The following MGAT4C variants were observed in gnomAD, a reference collection of about 807,000 sequenced individuals.
The protein encoded by MGAT4C is MGAT4 family member C, also known as alpha-1,3-mannosyl-glycoprotein 4-beta-N-acetylglucosaminyltransferase C.
Under a neutral mutation model 40.1 loss-of-function variants are expected in MGAT4C, and 19 were observed. The observed-to-expected ratio is 0.47, with a 90% CI of 0.33 to 0.70. The LOEUF (loss-of-function observed/expected upper bound fraction) is 0.70, where lower values mean the gene tolerates loss of function less well. Among genes scored for constraint, MGAT4C ranks in the 30% least tolerant of loss-of-function variants. MGAT4C has a pLI of 0.02. For missense variants in MGAT4C, 491 were observed against 563.2 expected (o/e 0.87, Z 1.30); for synonymous variants, 181 against 187.1 (o/e 0.97, Z 0.27).
intron 3 of MGAT4C, among the ~76,000 whole-genome samples, chr12:86,415,871 A>C (rs1181587949): frequency 1.3e-5 from 2 of 152,066 alleles, no homozygotes; most frequent in African/African-American, 4.8e-5. Context: ...ATCATTAGCA[A>C]TCTTTGACAT....
intron 1 of MGAT4C, among the ~76,000 whole-genome samples, chr12:86,247,297 G>A (rs546770219): frequency 6.6e-6 from 1 of 152,308 alleles, no homozygotes; most frequent in South Asian, 2.1e-4. Context: ...TAGCATCTCA[G>A]TACTTTGTTG....
intron 3 of MGAT4C, among the ~76,000 whole-genome samples, chr12:86,411,731 T>C (rs1956608656): frequency 6.6e-6 from 1 of 152,094 alleles, no homozygotes; most frequent in African/African-American, 2.4e-5. Context: ...CAGAAATCTA[T>C]ATAAGTAAAG....
At chr12:86,081,661 C>T (rs527561684) in intron 1 of MGAT4C, among the ~76,000 whole-genome samples, 6 of 152,046 alleles carry the variant, frequency 3.9e-5, no homozygotes, top group African/African-American at 1.4e-4. Flanking sequence ...GACAATTTTC[C>T]CTGTTGCTGT....
intron 1 of MGAT4C, among the ~76,000 whole-genome samples, chr12:86,767,693 G>A (rs1189696989): frequency 6.6e-6 from 1 of 152,144 alleles, no homozygotes; most frequent in Non-Finnish European, 1.5e-5. Flanking sequence ...TCATCCCTGG[G>A]ATGCAAGGCT....
chr12:86,817,678 G>A (rs1252799595), intron 1 of MGAT4C, among the ~76,000 whole-genome samples: 2 of 151,504 alleles, frequency 1.3e-5, no homozygotes, highest in Non-Finnish European at 3.0e-5. Flanking sequence ...CCATAATTTA[G>A]AAATGTCCAT....
intron 2 of MGAT4C, among the ~76,000 whole-genome samples, chr12:86,647,609 T>G (rs1963578043): frequency 6.6e-6 from 1 of 151,934 alleles, no homozygotes; most frequent in South Asian, 2.1e-4. Flanking sequence ...TGACCTCAAA[T>G]ACACTAATTG....
intron 1 of MGAT4C, among the ~76,000 whole-genome samples, chr12:86,091,255 A>T (rs1872828646): frequency 6.6e-6 from 1 of 152,068 alleles, no homozygotes; most frequent in Non-Finnish European, 1.5e-5. Flanking sequence ...ACTTCCTAAG[A>T]TTTGAGTAAA....
At chr12:86,470,171 T>C (rs1957738376) in intron 2 of MGAT4C, among the ~76,000 whole-genome samples, 1 of 152,158 alleles carries the variant, frequency 6.6e-6, no homozygotes, top group Non-Finnish European at 1.5e-5. Context: ...AGAACTCTAA[T>C]TTTATTTTCT....
chr12:86,614,841 T>G (rs1444908539), intron 2 of MGAT4C, among the ~76,000 whole-genome samples: 3 of 151,986 alleles, frequency 2.0e-5, no homozygotes, highest in African/African-American at 7.2e-5. Context: ...TAATTTAATT[T>G]TGGAAATTGT....
chr12:86,774,351 C>CTTTCTTTCTTT (rs1565981755), intron 1 of MGAT4C, among the ~76,000 whole-genome samples: 1 of 31,770 alleles, frequency 3.1e-5, no homozygotes, highest in African/African-American at 7.3e-5. Flanking sequence ...GTCTCTCTCT[C>CTTTCTTTCTTT]TCCCCTCTCT....
chr12:85,982,291 T>A (rs1206961103), intron 4 of MGAT4C, among the ~76,000 whole-genome samples: 2 of 152,188 alleles, frequency 1.3e-5, no homozygotes, highest in African/African-American at 4.8e-5. Context: ...GCGATTCTTG[T>A]GCCTTGGCCT....
At chr12:86,607,464 C>T (rs554716194) in intron 2 of MGAT4C, among the ~76,000 whole-genome samples, 19 of 152,092 alleles carry the variant, frequency 1.2e-4, no homozygotes, top group African/African-American at 4.6e-4. Context: ...CCTTATGTCT[C>T]TTTGGTGTTT....
At chr12:86,767,040 A>G (rs1159415261) in intron 1 of MGAT4C, among the ~76,000 whole-genome samples, 1 of 152,172 alleles carries the variant, frequency 6.6e-6, no homozygotes, top group East Asian at 1.9e-4. Context: ...GAAGGAAATA[A>G]AGACACAAAA....
intron 1 of MGAT4C, among the ~76,000 whole-genome samples, chr12:86,780,245 G>T (rs906705677): frequency 6.6e-5 from 10 of 152,086 alleles, no homozygotes; most frequent in Non-Finnish European, 1.2e-4. Context: ...GTCAACATTA[G>T]AAATTTTTTT....
In MGAT4C at chr12:86,069,773, T is replaced by A. The variant is rs1196580448; in HGVS notation, c.-56-20050A>T. ...GTGACTATGATTTCTTACCTGGTTT[T>A]AACTAGTGTGTTTTTAACTCATCTC... On this transcript the variant is annotated intron_variant, in intron 1 of 4. Transcript: ENST00000611864. 5.9e-5 allele frequency among the ~76,000 whole-genome samples: 9 copies of A among 152,146 alleles called. 1 individual carries two copies. The South Asian group carries it at 6.2e-4, about 10-fold the overall frequency.
At chr12:86,191,412 C>T (rs909560170) in intron 1 of MGAT4C, among the ~76,000 whole-genome samples, 1 of 151,676 alleles carries the variant, frequency 6.6e-6, no homozygotes, top group African/African-American at 2.4e-5. Flanking sequence ...GAAAATATCT[C>T]CTAATCAAAT....
upstream of MGAT4C, among the ~76,000 whole-genome samples, chr12:86,259,425 A>G (rs912657474): frequency 6.6e-6 from 1 of 152,070 alleles, no homozygotes; most frequent in Non-Finnish European, 1.5e-5. Context: ...ATACAACCTG[A>G]TTACAAAATG....
intron 3 of MGAT4C, among the ~76,000 whole-genome samples, chr12:86,427,418 A>G (rs1442157894): frequency 6.6e-6 from 1 of 151,912 alleles, no homozygotes; most frequent in African/African-American, 2.4e-5. Flanking sequence ...TATCTTTTCA[A>G]AAGGAAAAGT....
At chr12:86,552,168 A>G (rs890194502) in intron 2 of MGAT4C, among the ~76,000 whole-genome samples, 1 of 152,134 alleles carries the variant, frequency 6.6e-6, no homozygotes, top group Non-Finnish European at 1.5e-5. Flanking sequence ...ACTGAGACAC[A>G]GAAAAATATA....
Sources: gnomAD v4.1 joint callset for allele counts (sites outside exome capture counted in the v4.1 genomes callset) on GRCh38, gnomAD v4.1.1 for gene constraint, MANE v1.5 for transcripts, NCBI Gene and HGNC (gene_info 2026-07-23, HGNC 2026-07-21) for gene names.